Variants in ROBO2 observed in about 807,000 individuals in gnomAD.
ROBO2 encodes roundabout guidance receptor 2, also known as roundabout homolog 2.
Under a neutral mutation model 160.8 loss-of-function variants are expected in ROBO2, and 53 were observed. The observed-to-expected ratio is 0.33, with a 90% CI of 0.26 to 0.41. ROBO2 has a LOEUF of 0.41. ROBO2 is among the 10% of genes least tolerant of loss of function. The pLI, the probability that ROBO2 is intolerant of heterozygous loss-of-function variation, is 1.00. For missense variants in ROBO2, 1,577 were observed against 1,722.4 expected, an observed-to-expected ratio of 0.92 and a Z score of 1.49; for synonymous variants, 664 against 611.7, an observed-to-expected ratio of 1.09 and a Z score of -1.26.
At chr3:77,505,570 T>G (rs746272732) in intron 5 of ROBO2, among the ~76,000 whole-genome samples, 1 of 152,048 alleles carries the variant, frequency 6.6e-6, no homozygotes, top group Non-Finnish European at 1.5e-5. Flanking sequence ...TTCTCTGAGT[T>G]AAGGAGAGGA....
At chr3:77,313,862 G>C (rs2063746322) in intron 2 of ROBO2, among the ~76,000 whole-genome samples, 1 of 152,120 alleles carries the variant, frequency 6.6e-6, no homozygotes, top group Non-Finnish European at 1.5e-5. Flanking sequence ...GGGATTACAG[G>C]TGTGAGCCAC....
intron 2 of ROBO2, among the ~76,000 whole-genome samples, chr3:76,403,625 T>A (rs1337534788): frequency 6.6e-6 from 1 of 151,520 alleles, no homozygotes; most frequent in Non-Finnish European, 1.5e-5. Context: ...CCACCACTTC[T>A]GTACAAGGTA....
intron 2 of ROBO2, among the ~76,000 whole-genome samples, chr3:76,302,665 C>G (rs535131352): frequency 2.6e-4 from 39 of 152,186 alleles, no homozygotes; most frequent in African/African-American, 9.1e-4. Flanking sequence ...CCTAGAGTAT[C>G]TAGTCCACTA....
intron 2 of ROBO2, among the ~76,000 whole-genome samples, chr3:75,996,332 C>A (rs1333771451): frequency 6.6e-6 from 1 of 152,128 alleles, no homozygotes; most frequent in Non-Finnish European, 1.5e-5. Flanking sequence ...GATGAGCTCT[C>A]ATGGTTTCAT....
At chr3:76,736,635 G>A (rs1374250307) in intron 2 of ROBO2, among the ~76,000 whole-genome samples, 1 of 152,162 alleles carries the variant, frequency 6.6e-6, no homozygotes, top group Non-Finnish European at 1.5e-5. Context: ...ATAAATAGAA[G>A]TATAGATTTA....
At chr3:77,012,799 C>T (rs2149471517) in intron 2 of ROBO2, among the ~76,000 whole-genome samples, 1 of 152,320 alleles carries the variant, frequency 6.6e-6, no homozygotes, top group African/African-American at 2.4e-5. Flanking sequence ...TTTATTTCAG[C>T]TACCCCAGGT....
chr3:77,545,071 A>T (rs2153647807), intron 6 of ROBO2, among the ~76,000 whole-genome samples: 1 of 152,146 alleles, frequency 6.6e-6, no homozygotes, highest in Admixed American at 6.5e-5. Context: ...GTACCATTTT[A>T]CTAGCCTCCC....
At chr3:76,177,961 G>A (rs879786636) in intron 2 of ROBO2, among the ~76,000 whole-genome samples, 13 of 152,052 alleles carry the variant, frequency 8.5e-5, no homozygotes, top group South Asian at 2.1e-4. Flanking sequence ...GTTGTGCTAC[G>A]TCTAAAGGTA....
At chr3:77,343,557 G>C (rs2153452829) in intron 2 of ROBO2, among the ~76,000 whole-genome samples, 1 of 152,274 alleles carries the variant, frequency 6.6e-6, no homozygotes, top group South Asian at 2.1e-4. Flanking sequence ...GGGGGATACA[G>C]ACTAAGGGGC....
At chr3:76,071,853 T>A (rs1466528099) in intron 2 of ROBO2, among the ~76,000 whole-genome samples, 10 of 152,120 alleles carry the variant, frequency 6.6e-5, no homozygotes, top group Admixed American at 6.6e-4. Flanking sequence ...TGTAGATTTG[T>A]AGATTCTTAA....
chr3:77,578,781 AGT>A (rs373520880), intron 15 of ROBO2, among the ~76,000 whole-genome samples: 8 of 151,682 alleles, frequency 5.3e-5, no homozygotes, highest in Admixed American at 3.9e-4. Context: ...TGTGAGTTTG[AGT>A]GTGTGTGTGT....
intron 2 of ROBO2, among the ~76,000 whole-genome samples, chr3:76,604,769 A>G (rs550973876): frequency 6.6e-6 from 1 of 152,264 alleles, no homozygotes; most frequent in African/African-American, 2.4e-5. Context: ...TACTACAGAG[A>G]GTTTGCAATT....
At chr3:77,415,351 T>C (rs2077127783) in intron 2 of ROBO2, among the ~76,000 whole-genome samples, 1 of 152,192 alleles carries the variant, frequency 6.6e-6, no homozygotes, top group Non-Finnish European at 1.5e-5. Flanking sequence ...TAAACATCAA[T>C]GGTGACGTTA....
intron 2 of ROBO2, among the ~76,000 whole-genome samples, chr3:76,858,264 A>G (rs2070357789): frequency 6.6e-6 from 1 of 151,974 alleles, no homozygotes; most frequent in African/African-American, 2.4e-5. Context: ...TAAAACAAAC[A>G]CTCAGTAAAT....
chr3:77,117,814 A>G (rs1054842102), intron 2 of ROBO2, among the ~76,000 whole-genome samples: 1 of 152,096 alleles, frequency 6.6e-6, no homozygotes, highest in South Asian at 2.1e-4. Context: ...CTACTTTCTG[A>G]TGAGCCTACA....
intron 2 of ROBO2, among the ~76,000 whole-genome samples, chr3:76,537,812 C>T (rs1031658330): frequency 2.6e-5 from 4 of 152,050 alleles, no homozygotes; most frequent in East Asian, 3.9e-4. Flanking sequence ...GGCAGCTTTA[C>T]AGGGCTCGGG....
chr3:76,409,324 A>T (rs6773146), intron 2 of ROBO2, among the ~76,000 whole-genome samples: 45,285 of 151,828 alleles, frequency 0.3, 8,273 homozygotes, highest in African/African-American at 0.5. Context: ...TTCTTAGCAG[A>T]ATATCTTTAA....
chr3:76,308,749 A>T (rs898189219), intron 2 of ROBO2, among the ~76,000 whole-genome samples: 2 of 152,182 alleles, frequency 1.3e-5, no homozygotes, highest in African/African-American at 4.8e-5. Flanking sequence ...GAAGAGAGTG[A>T]CTTCCCTTGT....
At chr3:77,205,251 T>C (rs1035808534) in intron 2 of ROBO2, among the ~76,000 whole-genome samples, 7 of 152,062 alleles carry the variant, frequency 4.6e-5, no homozygotes, top group Admixed American at 6.6e-5. Context: ...GATGAATTTA[T>C]TGAGTGGCGG....
Sources: gnomAD v4.1 joint callset for allele counts (sites outside exome capture counted in the v4.1 genomes callset) on GRCh38, gnomAD v4.1.1 for gene constraint, MANE v1.5 for transcripts, NCBI Gene and HGNC (gene_info 2026-07-23, HGNC 2026-07-21) for gene names.